WASHC5: variants seen among roughly 807,000 people sequenced by gnomAD.
WASHC5 encodes WASH complex subunit 5.
WASHC5 carries 101 observed loss-of-function variants against 150.4 expected under a neutral mutation model. The ratio of observed to expected loss-of-function variants is 0.67; its 90% CI spans 0.57 to 0.79. WASHC5 has a LOEUF of 0.79. Ranked by LOEUF, WASHC5 falls within the 30% of genes least tolerant of loss-of-function variation. The pLI is 0.00. For synonymous variants in WASHC5, 467 were observed against 491.2 expected (o/e 0.95, Z 0.65); for missense variants, 1,195 against 1,396.3 (o/e 0.86, Z 2.30).
chr8:125,033,271 T>A (rs541811263), intron 26 of WASHC5, among the ~76,000 whole-genome samples: 7 of 152,264 alleles, frequency 4.6e-5, no homozygotes, highest in African/African-American at 1.7e-4. Flanking sequence ...AACAGACAAA[T>A]AGATCAATGG....
At chr8:125,049,998 GA>G in intron 18 of WASHC5, among the ~76,000 whole-genome samples, 1 of 151,248 alleles carries the variant, frequency 6.6e-6, no homozygotes, top group South Asian at 2.1e-4. Context: ...ATTTGGGAAG[GA>G]AGCCTCATAT....
At position 125,039,386 on chromosome 8, in the gene WASHC5, G is replaced by C. The variant is rs554731776; in HGVS notation, c.2954+409C>G. 2.0e-5 allele frequency among the ~76,000 whole-genome samples: 3 copies of C among 152,268 alleles called. No homozygotes were observed. In the South Asian group the frequency reaches 6.2e-4, roughly 32 times the overall value. On this transcript the variant is annotated intron_variant, in intron 24 of 28. Coordinates refer to ENST00000318410, the MANE Select transcript of WASHC5 (RefSeq NM_014846.4). ...CTTGGTAATCAACACACTTCCAACTGCCCTCTGGATGATGAGTGATCAGCC... is the reference window on the plus strand; with the variant it reads ...CTTGGTAATCAACACACTTCCAACTCCCCTCTGGATGATGAGTGATCAGCC...
intron 17 of WASHC5, among the ~76,000 whole-genome samples, chr8:125,053,361 T>C (rs999902004): frequency 6.6e-6 from 1 of 152,186 alleles, no homozygotes; most frequent in African/African-American, 2.4e-5. Context: ...TCTGCTGTTA[T>C]AATCTGAAAC....
chr8:125,088,286 A>C (rs1586395592), intron 1 of WASHC5, among the ~76,000 whole-genome samples: 1 of 151,166 alleles, frequency 6.6e-6, no homozygotes, highest in South Asian at 2.1e-4. Context: ...TTAGCCAGGC[A>C]TGGTGGCAAA....
rs7831848 is a variant in WASHC5, at chr8:125,081,547, T to C, written c.518+114A>G. ...AGCCACTGTGCCCGGCTGAATCGTA[T>C]ACTTTCTTATCTATTCTTGGATTAC... On this transcript the variant is annotated intron_variant, in intron 5 of 28. Coordinates refer to ENST00000318410, the MANE Select transcript of WASHC5 (RefSeq NM_014846.4). 0.069 allele frequency: 53,591 copies of C among 772,106 alleles called. 5,744 individuals are homozygous for C. Among genetic ancestry groups the C allele is most frequent in the African/African-American group, 0.38 (22,263 of 59,018 alleles). The allele number at this position is 772,106 out of a possible 1,614,324, so 47.8% of individuals were successfully genotyped here. A position where few individuals can be genotyped will look rare whatever the true frequency, so the allele number is the denominator to read the frequency against.
At chr8:125,026,336 A>C (rs1815379817) in intron 28 of WASHC5, among the ~76,000 whole-genome samples, 1 of 152,116 alleles carries the variant, frequency 6.6e-6, no homozygotes, top group African/African-American at 2.4e-5. Flanking sequence ...GCACACTATA[A>C]ATCAAGAAAC....
intron 7 of WASHC5, 131 bp downstream of exon 7, chr8:125,076,217 G>A (rs1331982445): frequency 1.2e-5 from 10 of 816,936 alleles, no homozygotes; most frequent in Middle Eastern, 3.3e-4. Context: ...AATACAGTTA[G>A]AGCAAGTTTA....
At chr8:125,024,868 C>G (rs1815331279) in intron 28 of WASHC5, among the ~76,000 whole-genome samples, 195 bp from the exon 29 acceptor site, 1 of 151,876 alleles carries the variant, frequency 6.6e-6, no homozygotes, top group African/African-American at 2.4e-5. Flanking sequence ...CTTGGCACTG[C>G]TAACATTTGA....
intron 10 of WASHC5, among the ~76,000 whole-genome samples, chr8:125,065,619 CTTT>C (rs780278604): frequency 1.2e-4 from 16 of 130,688 alleles, no homozygotes; most frequent in Admixed American, 3.0e-4. Flanking sequence ...TCTTTCATTC[CTTT>C]TTTTTTTTTT....
At chr8:125,039,666 C>T (rs2129995396) in intron 24 of WASHC5, 129 bp downstream of exon 24, 1 of 703,506 alleles carries the variant, frequency 1.4e-6, no homozygotes, top group South Asian at 1.5e-5. Context: ...TTATCCGTGG[C>T]AAGGAAGCCT....
intron 26 of WASHC5, among the ~76,000 whole-genome samples, chr8:125,036,774 C>G (rs891739938): frequency 4.6e-5 from 7 of 152,108 alleles, no homozygotes; most frequent in Admixed American, 4.6e-4. Flanking sequence ...CTTAGGGAGG[C>G]CAAGGTGGGC....
chr8:125,064,770 A>G (rs1816699835), intron 10 of WASHC5, among the ~76,000 whole-genome samples: 1 of 152,270 alleles, frequency 6.6e-6, no homozygotes, highest in African/African-American at 2.4e-5. Context: ...TGCCAGCATC[A>G]TAATAAATCT....
chr8:125,056,750 T>C lies in WASHC5; in HGVS notation c.1943A>G (p.Asp648Gly). Residue 648 changes from aspartate (D) to glycine (G), a missense_variant, in exon 16 of 29, where the codon GAC (aspartate) becomes GGC (glycine). Physicochemically the swap from Asp to Gly is moderately conservative, Grantham distance 94 (BLOSUM62 -1). Transcript: ENST00000318410. ...LLKIIKLQTH[D>G]IIEVPTRLDK... ...CAGGCGGGTAGGCACTTCAATAATG[T>C]CGTGGGTCTGAAGCTTTATGATCTT... 1 of 1,614,142 alleles carries C rather than the reference T, an allele frequency of 6.2e-7. No individual in the cohort carries two copies. Among genetic ancestry groups the C allele is most frequent in the Non-Finnish European group, 8.5e-7 (1 of 1,180,008 alleles).
chr8:125,031,015 A>G (rs1815518979), intron 27 of WASHC5, among the ~76,000 whole-genome samples: 1 of 152,222 alleles, frequency 6.6e-6, no homozygotes. Flanking sequence ...AGCGAGTGAA[A>G]CATCCAGAGA....
intron 5 of WASHC5, 101 bp from the exon 6 acceptor site, chr8:125,079,031 G>T: frequency 1.1e-6 from 1 of 942,744 alleles, no homozygotes; most frequent in Non-Finnish European, 1.7e-6. Context: ...ACTCAATATA[G>T]TTTCAGATAT....
At chr8:125,062,882 T>C (rs1292974478) in intron 11 of WASHC5, among the ~76,000 whole-genome samples, 5 of 152,194 alleles carry the variant, frequency 3.3e-5, no homozygotes. Context: ...AGAAATTTCT[T>C]ATTTATAAAA....
At chr8:125,054,487 A>G (rs1394219822) in intron 17 of WASHC5, among the ~76,000 whole-genome samples, 3 of 152,204 alleles carry the variant, frequency 2.0e-5, no homozygotes, top group Non-Finnish European at 4.4e-5. Flanking sequence ...AAAAATAAAC[A>G]AACAAAAGAT....
At chr8:125,069,277 C>G (rs756691802) in intron 9 of WASHC5, among the ~76,000 whole-genome samples, 6 of 152,222 alleles carry the variant, frequency 3.9e-5, no homozygotes, top group African/African-American at 9.6e-5. Context: ...GCACCATGCT[C>G]TTGGACTTCC....
At position 125,073,204 on chromosome 8, in the gene WASHC5, T is replaced by C. The variant is rs750814654; in HGVS notation, c.1099A>G (p.Arg367Gly). 1.7e-5 allele frequency: 27 copies of C among 1,614,060 alleles called. No homozygotes were observed. Among genetic ancestry groups the C allele is most frequent in the South Asian group, 3.3e-5 (3 of 91,088 alleles). ...CATCGGATGGCAACATTGCAGTCTC[T>C]CAGGCAGTTCAGAAGCTTTGGGATA... is the stretch of plus-strand genomic sequence containing the variant. ...DNIPKLLNCL[R>G]DCNVAIRWLM... Residue 367 changes from arginine to glycine, a missense_variant, in exon 9 of 29, where the codon AGA becomes GGA. Arg to Gly is a moderately radical substitution (Grantham distance 125). Coordinates refer to ENST00000318410, the MANE Select transcript of WASHC5 (RefSeq NM_014846.4).
Sources: gnomAD v4.1 joint callset for allele counts (sites outside exome capture counted in the v4.1 genomes callset) on GRCh38, gnomAD v4.1.1 for gene constraint, MANE v1.5 for transcripts, NCBI Gene and HGNC (gene_info 2026-07-23, HGNC 2026-07-21) for gene names.